The following LRBA variants were observed in gnomAD, a reference collection of about 807,000 sequenced individuals.
LRBA encodes LPS responsive beige-like anchor protein.
Under a neutral mutation model 330.0 loss-of-function variants are expected in LRBA, and 176 were observed. The ratio of observed to expected loss-of-function variants is 0.53; its 90% CI spans 0.47 to 0.60. The LOEUF is 0.60. Ranked by LOEUF, LRBA falls within the 20% of genes least tolerant of loss-of-function variation. The pLI, the probability that LRBA is intolerant of heterozygous loss-of-function variation, is 0.00. For synonymous variants in LRBA, 1,230 were observed against 1,193.0 expected, an observed-to-expected ratio of 1.03 and a Z score of -0.64; for missense variants, 3,259 against 3,444.8, an observed-to-expected ratio of 0.95 and a Z score of 1.35.
At chr4:150,858,307 T>C (rs1244300665) in intron 22 of LRBA, among the ~76,000 whole-genome samples, 2 of 151,940 alleles carry the variant, frequency 1.3e-5, no homozygotes, top group African/African-American at 2.4e-5. Context: ...TAGTGTGTTA[T>C]ATATAATGGC....
At chr4:150,782,986 T>C (rs527251334) in intron 34 of LRBA, among the ~76,000 whole-genome samples, 190 of 152,292 alleles carry the variant, frequency 1.2e-3, no homozygotes, top group Non-Finnish European at 1.7e-3. Context: ...AATGACTGCA[T>C]TGTGACTGGT....
chr4:150,440,852 C>G (rs185253918), intron 44 of LRBA, among the ~76,000 whole-genome samples: 2 of 151,870 alleles, frequency 1.3e-5, no homozygotes, highest in Admixed American at 1.3e-4. Context: ...TATGAATAGC[C>G]AAAAATCACT....
At chr4:150,781,082 T>C (rs1012342487) in intron 34 of LRBA, among the ~76,000 whole-genome samples, 13 of 151,976 alleles carry the variant, frequency 8.6e-5, no homozygotes, top group African/African-American at 2.9e-4. Context: ...GGTTTCGCCA[T>C]GTTAGCCAGG....
intron 35 of LRBA, among the ~76,000 whole-genome samples, chr4:150,746,311 G>A (rs997205052): frequency 1.3e-5 from 2 of 152,042 alleles, no homozygotes; most frequent in Non-Finnish European, 2.9e-5. Context: ...GGAATGTACC[G>A]TAATTTATCA....
intron 18 of LRBA, 33 bp downstream of exon 18, chr4:150,872,630 A>C (rs1753571269): frequency 1.5e-6 from 2 of 1,323,430 alleles, no homozygotes; most frequent in African/African-American, 2.9e-5. Flanking sequence ...TAAGTAGAAT[A>C]CAACAGTCCA....
chr4:150,598,913 A>C (rs913056882), intron 38 of LRBA, 94 bp downstream of exon 38: 1 of 1,443,302 alleles, frequency 6.9e-7, no homozygotes, highest in African/African-American at 1.4e-5. Flanking sequence ...GTGGTGTTGG[A>C]CCATTTTACA....
rs1031938971 is a variant in LRBA at position 150,655,378 on chromosome 4, T to C, written c.5921+28173A>G. On this transcript the variant is annotated intron_variant, in intron 37 of 56. Transcript: ENST00000651943. ...TTCAGCTTCCAACACTGGATGGACATTTTTATCCTTTTTAGACTTTTGCTA... is the reference window on the plus strand; with the variant it reads ...TTCAGCTTCCAACACTGGATGGACACTTTTATCCTTTTTAGACTTTTGCTA... 8.5e-5 allele frequency among the ~76,000 whole-genome samples: 13 copies of C among 152,198 alleles called. 1 individual carries two copies. The highest frequency in any genetic ancestry group is 2.4e-4 in the African/African-American group (10 of 41,434).
chr4:150,434,792 G>C (rs998124957), intron 46 of LRBA, among the ~76,000 whole-genome samples: 3 of 151,724 alleles, frequency 2.0e-5, no homozygotes, highest in African/African-American at 7.3e-5. Flanking sequence ...TCGAGGTTGA[G>C]GCTACAGTGA....
intron 22 of LRBA, among the ~76,000 whole-genome samples, chr4:150,867,470 A>C (rs1276580139): frequency 6.6e-6 from 1 of 152,244 alleles, no homozygotes; most frequent in Non-Finnish European, 1.5e-5. Flanking sequence ...AAACAACATT[A>C]GAAAAAATTA....
intron 2 of LRBA, among the ~76,000 whole-genome samples, chr4:150,999,828 A>G (rs1488873135): frequency 6.6e-6 from 1 of 152,188 alleles, no homozygotes; most frequent in African/African-American, 2.4e-5. Context: ...GTACTCTTCT[A>G]GGGGCTAGGG....
At chr4:150,850,095 AT>A (rs1408280528) in intron 24 of LRBA, among the ~76,000 whole-genome samples, 2,821 of 142,804 alleles carry the variant, frequency 0.02, 25 homozygotes, top group Non-Finnish European at 0.029. Context: ...TGTTATAACA[AT>A]TTTTTTTTTT....
intron 22 of LRBA, among the ~76,000 whole-genome samples, chr4:150,863,035 T>C (rs1202604134): frequency 2.6e-5 from 4 of 151,940 alleles, no homozygotes; most frequent in African/African-American, 9.7e-5. Flanking sequence ...GTGTGGCTCA[T>C]GCTTATAATC....
At chr4:150,972,323 C>G (rs1275979281) in intron 2 of LRBA, among the ~76,000 whole-genome samples, 2 of 151,682 alleles carry the variant, frequency 1.3e-5, no homozygotes, top group Non-Finnish European at 2.9e-5. Context: ...ATGATTCTCA[C>G]AAAACAAACT....
chr4:150,822,202 T>C (rs1745540799), intron 30 of LRBA, among the ~76,000 whole-genome samples: 2 of 152,258 alleles, frequency 1.3e-5, no homozygotes, highest in Middle Eastern at 3.4e-3. Flanking sequence ...CCATCAAAAT[T>C]ATCTGTTGTT....
chr4:150,501,712 T>C (rs1394847045), intron 40 of LRBA, among the ~76,000 whole-genome samples: 2 of 151,872 alleles, frequency 1.3e-5, no homozygotes, highest in East Asian at 3.9e-4. Context: ...AACATAAAAA[T>C]TTTTAAAAAT....
intron 51 of LRBA, among the ~76,000 whole-genome samples, chr4:150,313,274 G>T (rs905264070): frequency 6.6e-6 from 1 of 151,954 alleles, no homozygotes; most frequent in Non-Finnish European, 1.5e-5. Context: ...AGAAAATATT[G>T]AATATCAATT....
intron 34 of LRBA, among the ~76,000 whole-genome samples, chr4:150,780,668 T>TATAC (rs376465960): frequency 7.5e-5 from 1 of 13,262 alleles, no homozygotes; most frequent in African/African-American, 1.7e-4. Flanking sequence ...TACGTGTGTG[T>TATAC]GTGTATATAT....
chr4:150,560,195 C>T (rs2152269281), intron 40 of LRBA, among the ~76,000 whole-genome samples: 1 of 150,838 alleles, frequency 6.6e-6, no homozygotes, highest in African/African-American at 2.4e-5. Flanking sequence ...ATTATATACA[C>T]TTGTATGTAT....
At chr4:150,797,568 T>C (rs2126669332) in intron 34 of LRBA, among the ~76,000 whole-genome samples, 1 of 152,158 alleles carries the variant, frequency 6.6e-6, no homozygotes, top group Non-Finnish European at 1.5e-5. Context: ...TAAAATAATT[T>C]TGCTCTTAGG....
Sources: allele counts gnomAD v4.1 joint callset (sites outside exome capture counted in the v4.1 genomes callset), GRCh38; gene constraint gnomAD v4.1.1; transcripts MANE v1.5; gene names NCBI Gene and HGNC (gene_info 2026-07-23, HGNC 2026-07-21).